The following RABGAP1L variants were observed in gnomAD, a reference collection of about 807,000 sequenced individuals.
RABGAP1L encodes the protein RAB GTPase activating protein 1 like, also known as rab GTPase-activating protein 1-like.
Under a neutral mutation model 137.7 loss-of-function variants are expected in RABGAP1L, and 63 were observed. The observed-to-expected ratio is 0.46, with a 90% CI of 0.37 to 0.56. The LOEUF is 0.56. Ranked by LOEUF, RABGAP1L falls within the 20% of genes least tolerant of loss-of-function variation. RABGAP1L has a pLI of 0.00. For synonymous variants in RABGAP1L, 431 were observed against 433.7 expected (o/e 0.99, Z 0.08); for missense variants, 1,095 against 1,244.0 (o/e 0.88, Z 1.80).
chr1:174,539,845 C>G (rs1665220807), intron 13 of RABGAP1L, among the ~76,000 whole-genome samples: 1 of 152,162 alleles, frequency 6.6e-6, no homozygotes, highest in Admixed American at 6.5e-5. Flanking sequence ...ATTTCTAGTT[C>G]TAGATCATTG....
intron 10 of RABGAP1L, among the ~76,000 whole-genome samples, chr1:174,298,504 C>T (rs1677345194): frequency 6.6e-6 from 1 of 152,192 alleles, no homozygotes; most frequent in Admixed American, 6.5e-5. Flanking sequence ...CTTTTAACTT[C>T]CCTTATTGTC....
intron 17 of RABGAP1L, among the ~76,000 whole-genome samples, chr1:174,708,087 G>A (rs1247819011): frequency 1.3e-5 from 2 of 152,096 alleles, no homozygotes; most frequent in Non-Finnish European, 2.9e-5. Flanking sequence ...GAAATTTAAG[G>A]AAATCGTTGA....
chr1:174,680,110 A>G (rs1457302147), intron 14 of RABGAP1L, among the ~76,000 whole-genome samples: 1 of 152,248 alleles, frequency 6.6e-6, no homozygotes, highest in South Asian at 2.1e-4. Context: ...GAAAAACAGC[A>G]TTAAGAAAAT....
At chr1:174,929,365 C>G (rs988460722) in intron 19 of RABGAP1L, among the ~76,000 whole-genome samples, 4 of 152,178 alleles carry the variant, frequency 2.6e-5, no homozygotes, top group Non-Finnish European at 5.9e-5. Context: ...GTCTTCCTCA[C>G]TTTCAACTGT....
At chr1:174,499,199 A>G (rs1445490277) in intron 13 of RABGAP1L, among the ~76,000 whole-genome samples, 1 of 152,102 alleles carries the variant, frequency 6.6e-6, no homozygotes, top group Non-Finnish European at 1.5e-5. Flanking sequence ...TATAGTTTAT[A>G]TATTCTTGAT....
At chr1:174,259,619 T>C (rs1673408273) in intron 7 of RABGAP1L, among the ~76,000 whole-genome samples, 2 of 152,200 alleles carry the variant, frequency 1.3e-5, no homozygotes, top group South Asian at 4.1e-4. Context: ...TCCTATGTAT[T>C]TTAAAGAATG....
chr1:174,226,736 T>C (rs74128323), intron 3 of RABGAP1L, among the ~76,000 whole-genome samples: 2,066 of 152,194 alleles, frequency 0.014, 61 homozygotes, highest in African/African-American at 0.048. Context: ...TGGTTTCTTA[T>C]GATTAGTATT....
chr1:174,433,927 C>A (rs1461848909), intron 13 of RABGAP1L, among the ~76,000 whole-genome samples: 1 of 152,114 alleles, frequency 6.6e-6, no homozygotes, highest in African/African-American at 2.4e-5. Context: ...CCTTTTCAGT[C>A]TCTTCAGCTA....
At chr1:174,622,418 G>A (rs536031324) in intron 13 of RABGAP1L, among the ~76,000 whole-genome samples, 4 of 152,166 alleles carry the variant, frequency 2.6e-5, no homozygotes, top group East Asian at 1.9e-4. Flanking sequence ...TGTTTATTGC[G>A]GCACTATTCA....
rs1355973510 is a variant in RABGAP1L at position 174,757,008 on chromosome 1, A to T, written c.2211+4654A>T. ...AGGACAACATAGGCCTTGTCAAAGC[A>T]CCCTTCCTCCAGCTTCTTGTCCATA... is the stretch of plus-strand genomic sequence containing the variant. On this transcript the variant is annotated intron_variant, in intron 18 of 25. Coordinates refer to ENST00000681986, the MANE Select transcript of RABGAP1L (RefSeq NM_001366446.1). 3 of 755,274 alleles carry T rather than the reference A, an allele frequency of 4.0e-6. No individual in the cohort carries two copies. The Admixed American group carries it at 5.7e-5, about 14-fold the overall frequency. 46.8% of individuals were successfully genotyped at this position (755,274 alleles called of 1,614,324 possible).
intron 11 of RABGAP1L, among the ~76,000 whole-genome samples, chr1:174,321,588 T>A (rs542223434): frequency 6.6e-6 from 1 of 152,290 alleles, no homozygotes; most frequent in South Asian, 2.1e-4. Context: ...TTGGGGGTGG[T>A]TCCTCTGATA....
chr1:174,241,462 C>G, intron 4 of RABGAP1L, 21 bp from the exon 5 acceptor site: 1 of 1,418,502 alleles, frequency 7.0e-7, no homozygotes, highest in African/African-American at 1.5e-5. Flanking sequence ...TTTTATCTAA[C>G]TTTTCATTAC....
chr1:174,568,012 G>T (rs1667698462), intron 13 of RABGAP1L, among the ~76,000 whole-genome samples: 1 of 152,128 alleles, frequency 6.6e-6, no homozygotes, highest in South Asian at 2.1e-4. Flanking sequence ...CTGAAACTGG[G>T]TAATTTATAA....
At position 174,198,764 on chromosome 1, in the gene RABGAP1L, A is replaced by G. The variant is rs1005953050; in HGVS notation, c.-33-20361A>G. Reference sequence around the variant, plus strand: ...TCAAGAGTGAGTGAGTCCAACAACTAGCAGGTGTCTTGGCTTGTGAGGCGC... The same window carrying G: ...TCAAGAGTGAGTGAGTCCAACAACTGGCAGGTGTCTTGGCTTGTGAGGCGC... On this transcript the variant is annotated intron_variant, in intron 1 of 25. Transcript: ENST00000681986. Among the ~76,000 whole-genome samples, 5 of 152,336 alleles carry G rather than the reference A, an allele frequency of 3.3e-5. No homozygotes were observed. The East Asian group carries it at 9.6e-4, about 29-fold the overall frequency.
At chr1:174,580,945 G>C (rs147712061) in intron 13 of RABGAP1L, among the ~76,000 whole-genome samples, 2 of 152,254 alleles carry the variant, frequency 1.3e-5, no homozygotes, top group Non-Finnish European at 2.9e-5. Flanking sequence ...AACACCATTA[G>C]TCATCAGGGA....
intron 18 of RABGAP1L, among the ~76,000 whole-genome samples, chr1:174,765,576 G>A (rs552663437): frequency 3.3e-5 from 5 of 151,916 alleles, no homozygotes; most frequent in East Asian, 1.9e-4. Context: ...CTGTGACTAC[G>A]TGTGTGCCAC....
intron 18 of RABGAP1L, among the ~76,000 whole-genome samples, chr1:174,784,681 A>T (rs1386111557): frequency 6.6e-6 from 1 of 152,214 alleles, no homozygotes; most frequent in Non-Finnish European, 1.5e-5. Flanking sequence ...GAATAGACCA[A>T]ACTGCAGGAA....
Position 174,281,901 on chromosome 1 carries a change from C to A in RABGAP1L, c.1323+3122C>A, listed in dbSNP as rs188070655. 2.9e-3 allele frequency among the ~76,000 whole-genome samples: 436 copies of A among 152,330 alleles called. 5 individuals carry two copies. The highest frequency in any genetic ancestry group is 0.01 in the African/African-American group (418 of 41,576). On this transcript the variant is annotated intron_variant, in intron 10 of 25. Transcript: ENST00000681986. ...TCTCACCTTCAGCCTCAGGCAATGA[C>A]TGATGTGCTGTCATTACAGTAACTG...
chr1:174,581,535 A>C (rs996388386), intron 13 of RABGAP1L, among the ~76,000 whole-genome samples: 3 of 152,316 alleles, frequency 2.0e-5, no homozygotes, highest in South Asian at 4.1e-4. Flanking sequence ...CTCTGCTTTC[A>C]GTAGGAGAAT....
Sources: allele counts gnomAD v4.1 joint callset (sites outside exome capture counted in the v4.1 genomes callset), GRCh38; gene constraint gnomAD v4.1.1; transcripts MANE v1.5; gene names NCBI Gene and HGNC (gene_info 2026-07-23, HGNC 2026-07-21).